Variants in LAMA2 observed in about 807,000 individuals in gnomAD.
LAMA2 encodes laminin subunit alpha-2.
LAMA2 carries 269 observed loss-of-function variants against 364.8 expected under a neutral mutation model. That is an observed-to-expected ratio of 0.74 (90% CI 0.67 to 0.82). The LOEUF is 0.82. LAMA2 is among the 40% of genes least tolerant of loss of function. LAMA2 has a pLI of 0.00. For missense variants in LAMA2, 3,807 were observed against 3,873.2 expected, an observed-to-expected ratio of 0.98 and a Z score of 0.45; for synonymous variants, 1,379 against 1,370.6, an observed-to-expected ratio of 1.01 and a Z score of -0.14.
intron 1 of LAMA2, among the ~76,000 whole-genome samples, chr6:128,995,577 G>A (rs1157037588): frequency 1.3e-5 from 2 of 152,168 alleles, no homozygotes; most frequent in Non-Finnish European, 2.9e-5. Flanking sequence ...GCCTGCCTTG[G>A]CCTTCCAAAG....
intron 1 of LAMA2, among the ~76,000 whole-genome samples, chr6:129,046,999 G>A (rs1787561215): frequency 1.3e-5 from 2 of 152,108 alleles, no homozygotes; most frequent in Admixed American, 1.3e-4. Context: ...AATGCAAAAT[G>A]GTGATGAATG....
intron 3 of LAMA2, among the ~76,000 whole-genome samples, chr6:129,065,910 C>T (rs1304116590): frequency 6.6e-6 from 1 of 152,046 alleles, no homozygotes; most frequent in Non-Finnish European, 1.5e-5. Context: ...TCATTCTCTC[C>T]TTGCCTGCTG....
chr6:129,149,601 A>G (rs1199883653), intron 7 of LAMA2, among the ~76,000 whole-genome samples: 1 of 152,158 alleles, frequency 6.6e-6, no homozygotes, highest in Non-Finnish European at 1.5e-5. Flanking sequence ...ATCATGTACA[A>G]TGTGTCAGAC....
intron 1 of LAMA2, among the ~76,000 whole-genome samples, chr6:128,967,839 A>G (rs1781939784): frequency 6.7e-6 from 1 of 150,262 alleles, no homozygotes; most frequent in Non-Finnish European, 1.5e-5. Flanking sequence ...ATTACACCTC[A>G]GATTATTATC....
intron 32 of LAMA2, among the ~76,000 whole-genome samples, chr6:129,356,923 A>G (rs1777182976): frequency 6.6e-6 from 1 of 152,060 alleles, no homozygotes; most frequent in South Asian, 2.1e-4. Flanking sequence ...AAGAAAAGAT[A>G]CTAGCTGGGT....
intron 1 of LAMA2, among the ~76,000 whole-genome samples, chr6:128,974,238 C>T (rs191044322): frequency 6.6e-6 from 1 of 152,246 alleles, no homozygotes; most frequent in East Asian, 1.9e-4. Flanking sequence ...ACAAGGAGGA[C>T]AAAAAGTGTC....
Position 129,445,828 on chromosome 6 carries a change from T to A in LAMA2, c.6429+7T>A, listed in dbSNP as rs1180163779. The A allele has an allele frequency of 6.2e-7, 1 of 1,610,496 alleles. No homozygotes were observed. Among genetic ancestry groups the A allele is most frequent in the Admixed American group, 1.7e-5 (1 of 60,028 alleles). On this transcript the variant is annotated splice_region_variant and intron_variant, in intron 45 of 64. Transcript: ENST00000421865. The stretch of plus-strand genomic sequence containing the variant: ...TCGGAAACAAGCCAATTCTGTAAGT[T>A]CTTTTTATCGTCAGTATCAGTAACT...
chr6:129,114,222 A>G (rs1416585309), intron 4 of LAMA2, among the ~76,000 whole-genome samples: 1 of 152,044 alleles, frequency 6.6e-6, no homozygotes, highest in African/African-American at 2.4e-5. Context: ...ACAGGTATAA[A>G]ATAATTAGGT....
At chr6:129,150,324 A>G (rs544648595) in intron 7 of LAMA2, among the ~76,000 whole-genome samples, 1 of 152,210 alleles carries the variant, frequency 6.6e-6, no homozygotes, top group South Asian at 2.1e-4. Flanking sequence ...AGTGACTTTA[A>G]ATGTAATGCC....
At chr6:129,205,410 A>G (rs1340590839) in intron 12 of LAMA2, among the ~76,000 whole-genome samples, 3 of 150,974 alleles carry the variant, frequency 2.0e-5, no homozygotes, top group South Asian at 2.1e-4. Context: ...AAAAGAAAAA[A>G]GAAAAAAAAA....
At chr6:129,197,615 A>T (rs779976929) in intron 12 of LAMA2, among the ~76,000 whole-genome samples, 18 of 152,248 alleles carry the variant, frequency 1.2e-4, no homozygotes, top group Admixed American at 6.5e-5. Context: ...TCTTTGGCAC[A>T]TATTCTCAGG....
chr6:129,224,105 C>G (rs966866526), intron 12 of LAMA2, among the ~76,000 whole-genome samples: 10 of 152,092 alleles, frequency 6.6e-5, no homozygotes, highest in Non-Finnish European at 1.5e-4. Flanking sequence ...CTCTTTGAAG[C>G]AATTGTGAAT....
At chr6:129,065,190 T>C (rs1562205865) in intron 3 of LAMA2, among the ~76,000 whole-genome samples, 1 of 152,142 alleles carries the variant, frequency 6.6e-6, no homozygotes, top group Non-Finnish European at 1.5e-5. Flanking sequence ...GAAAAAGCAT[T>C]TGACAAAATT....
intron 3 of LAMA2, among the ~76,000 whole-genome samples, chr6:129,062,489 A>T (rs1034810551): frequency 6.6e-6 from 1 of 152,090 alleles, no homozygotes; most frequent in African/African-American, 2.4e-5. Flanking sequence ...ATATTGCACT[A>T]TCTTCTCCTG....
intron 1 of LAMA2, among the ~76,000 whole-genome samples, chr6:129,031,944 C>T (rs866723021): frequency 3.3e-5 from 5 of 152,102 alleles, no homozygotes; most frequent in African/African-American, 7.2e-5. Flanking sequence ...CTTATCCTCC[C>T]GAGTAGCTGG....
intron 4 of LAMA2, among the ~76,000 whole-genome samples, chr6:129,110,303 A>G (rs531505249): frequency 2.0e-5 from 3 of 152,212 alleles, no homozygotes; most frequent in East Asian, 3.9e-4. Context: ...ACTTGATATT[A>G]TAAGAAGCAC....
chr6:129,185,902 A>G (rs1186453013), intron 10 of LAMA2, among the ~76,000 whole-genome samples: 1 of 151,812 alleles, frequency 6.6e-6, no homozygotes, highest in African/African-American at 2.4e-5. Flanking sequence ...TTTTAAGAAA[A>G]TATGGTGATA....
intron 1 of LAMA2, among the ~76,000 whole-genome samples, chr6:128,899,496 A>T (rs545078466): frequency 1.3e-5 from 2 of 152,196 alleles, no homozygotes; most frequent in Non-Finnish European, 1.5e-5. Flanking sequence ...CTGTTGCTTT[A>T]TCTCCAGCTT....
Position 129,394,643 on chromosome 6 carries a change from A to T in LAMA2, c.5445+1388A>T, listed in dbSNP as rs1357006810. ...CCAGCATGATTCACCCTGCTCGGTGACACACCAGCCGTGTGACTTACCCGA... is the reference window on the plus strand; with the variant it reads ...CCAGCATGATTCACCCTGCTCGGTGTCACACCAGCCGTGTGACTTACCCGA... On this transcript the variant is annotated intron_variant, in intron 37 of 64. Coordinates refer to ENST00000421865, the MANE Select transcript of LAMA2 (RefSeq NM_000426.4). 5.9e-5 allele frequency among the ~76,000 whole-genome samples: 9 copies of T among 152,322 alleles called. No homozygotes were observed. In the East Asian group the frequency reaches 1.7e-3, roughly 29 times the overall value.
Sources: gnomAD v4.1 joint callset for allele counts (sites outside exome capture counted in the v4.1 genomes callset) on GRCh38, gnomAD v4.1.1 for gene constraint, MANE v1.5 for transcripts, NCBI Gene and HGNC (gene_info 2026-07-23, HGNC 2026-07-21) for gene names.